Variants in PCM1 observed in about 807,000 individuals in gnomAD.
PCM1 encodes pericentriolar material 1, also known as pericentriolar material 1 protein.
Under a neutral mutation model 241.9 loss-of-function variants are expected in PCM1, and 157 were observed. That is an observed-to-expected ratio of 0.65 (90% CI 0.57 to 0.74). PCM1 has a LOEUF of 0.74. Among genes scored for constraint, PCM1 ranks in the 30% least tolerant of loss-of-function variants. The probability of loss-of-function intolerance (pLI) is 0.00; values close to 1 mark genes in which losing one functional copy is unlikely to be tolerated. For missense variants in PCM1, 3,478 were observed against 2,360.1 expected, an observed-to-expected ratio of 1.47 and a Z score of -9.81; for synonymous variants, 1,085 against 784.9, an observed-to-expected ratio of 1.38 and a Z score of -6.39.
chr8:18,027,116 T>C (rs2094289487), intron 38 of PCM1, among the ~76,000 whole-genome samples: 3 of 152,190 alleles, frequency 2.0e-5, no homozygotes, highest in Admixed American at 2.0e-4. Context: ...TCTCATTGTT[T>C]TTGTTTTTCC....
In PCM1 at chr8:17,957,760, T is replaced by C. The variant is rs1430891770; in HGVS notation, c.2025T>C (p.Leu675=). The C allele has an allele frequency of 6.2e-7, 1 of 1,611,388 alleles. No homozygotes were observed. The highest frequency in any genetic ancestry group is 1.1e-5 in the South Asian group (1 of 91,004). Residue 675 remains leucine, a synonymous_variant, in exon 13 of 39, where the codon CTT becomes CTC. Transcript: ENST00000325083. The part of the protein sequence containing the change: ...AKQKLRQLQD[L]VAMVQDDDAA... ...AGAAACTTAGACAGTTACAAGATCT[T>C]GTTGCTATGGTACAGGTAAATATTG...
intron 36 of PCM1, among the ~76,000 whole-genome samples, chr8:18,016,798 C>T (rs149903824): frequency 1.7e-4 from 26 of 152,284 alleles, no homozygotes; most frequent in Admixed American, 2.6e-4. Flanking sequence ...TCACTCTGGA[C>T]GATGTGACAG....
intron 18 of PCM1, among the ~76,000 whole-genome samples, chr8:17,964,982 G>C (rs2129469294): frequency 1.3e-5 from 2 of 152,186 alleles, no homozygotes; most frequent in East Asian, 3.9e-4. Context: ...TCAACTGCTT[G>C]GTCCCCACGT....
intron 22 of PCM1, among the ~76,000 whole-genome samples, chr8:17,971,067 A>T (rs1379348985): frequency 6.6e-6 from 1 of 152,232 alleles, no homozygotes; most frequent in African/African-American, 2.4e-5. Flanking sequence ...TGTAAACATG[A>T]GTATGGCTGT....
At chr8:17,927,848 C>G (rs1271098532) in intron 2 of PCM1, 1 of 139,560 alleles carries the variant, frequency 7.2e-6, no homozygotes, top group African/African-American at 2.8e-5. Context: ...CGCGCCCAGC[C>G]TAACAGGATT....
chr8:18,005,072 T>A (rs2090872230), intron 29 of PCM1, among the ~76,000 whole-genome samples: 1 of 152,310 alleles, frequency 6.6e-6, no homozygotes, highest in East Asian at 1.9e-4. Flanking sequence ...ACTTTCACTC[T>A]TTTCTGCCTG....
At chr8:18,006,726 T>C (rs142410371) in intron 30 of PCM1, among the ~76,000 whole-genome samples, 104 of 152,342 alleles carry the variant, frequency 6.8e-4, no homozygotes, top group African/African-American at 2.3e-3. Flanking sequence ...TCTAAAATAA[T>C]TGGCTAAAGT....
intron 9 of PCM1, among the ~76,000 whole-genome samples, chr8:17,954,719 A>G (rs145608399): frequency 5.9e-5 from 9 of 152,314 alleles, no homozygotes; most frequent in Non-Finnish European, 1.3e-4. Context: ...CACCTTTGAA[A>G]TGGTAGGAGG....
intron 13 of PCM1, among the ~76,000 whole-genome samples, chr8:17,959,440 T>C (rs1432703204): frequency 6.6e-6 from 1 of 152,122 alleles, no homozygotes; most frequent in Non-Finnish European, 1.5e-5. Flanking sequence ...TTTCAATCTT[T>C]CGCTATTTAG....
chr8:17,942,571 C>T (rs2062454679), intron 6 of PCM1, among the ~76,000 whole-genome samples: 1 of 151,924 alleles, frequency 6.6e-6, no homozygotes, highest in Non-Finnish European at 1.5e-5. Context: ...GAAAAATTAT[C>T]CAGTTGACTT....
chr8:17,957,656 C>T lies in PCM1; in HGVS notation c.1921C>T (p.His641Tyr), dbSNP rs369716761. 3 of 1,602,268 alleles carry T rather than the reference C, an allele frequency of 1.9e-6. No homozygotes were observed. The highest frequency in any genetic ancestry group is 2.6e-6 in the Non-Finnish European group (3 of 1,173,476). The change falls in exon 13 of 39, where the codon CAC becomes TAC. Residue 641 changes from histidine (H) to tyrosine (Y), a missense_variant. Coordinates refer to ENST00000325083, the MANE Select transcript of PCM1 (RefSeq NM_006197.4). The part of the protein sequence containing the change: ...EGVSGASLSS[H>Y]RSSLVDEHPE... ...AGTCAGTGGAGCTTCATTATCTAGT[C>T]ACAGGAGCAGTCTGGTTGATGAGCA...
At chr8:17,973,903 T>G (rs549822326) in intron 23 of PCM1, among the ~76,000 whole-genome samples, 2 of 152,280 alleles carry the variant, frequency 1.3e-5, no homozygotes, top group South Asian at 4.1e-4. Context: ...ACCTTCATCT[T>G]AATCACTTTT....
intron 30 of PCM1, among the ~76,000 whole-genome samples, chr8:18,008,571 T>C (rs1429404238): frequency 2.6e-5 from 4 of 152,102 alleles, no homozygotes; most frequent in Admixed American, 6.5e-5. Flanking sequence ...GGTTGGGGAC[T>C]GCTAATTTAT....
chr8:17,980,775 G>C lies in PCM1; in HGVS notation c.4108+20G>C. 6.4e-7 allele frequency: 1 copy of C among 1,571,906 alleles called. No homozygotes were observed. Among genetic ancestry groups the C allele is most frequent in the Non-Finnish European group, 8.6e-7 (1 of 1,157,396 alleles). On this transcript the variant is annotated intron_variant, in intron 24 of 38. Coordinates refer to ENST00000325083, the MANE Select transcript of PCM1 (RefSeq NM_006197.4). ...CTTCAGGTATGTTCTTTTTTGGTTT[G>C]CATTAATATAAGGAGGTTTTCAGCT...
chr8:17,976,268 CACACTTGAAAAGAGTG>C (rs1488538431), intron 23 of PCM1, among the ~76,000 whole-genome samples: 3 of 152,214 alleles, frequency 2.0e-5, no homozygotes, highest in Non-Finnish European at 4.4e-5. Flanking sequence ...CCCCTTGTCT[CACACTTGAAAAGAGTG>C]ACACCGAAAT....
intron 29 of PCM1, among the ~76,000 whole-genome samples, chr8:18,004,801 A>G (rs535393963): frequency 2.6e-5 from 4 of 152,176 alleles, no homozygotes; most frequent in Non-Finnish European, 5.9e-5. Context: ...TTCTAGTAGC[A>G]TGACCTTAAT....
At chr8:18,012,434 C>T (rs9785162) in intron 34 of PCM1, among the ~76,000 whole-genome samples, 7,962 of 152,248 alleles carry the variant, frequency 0.052, 221 homozygotes, top group East Asian at 0.068. Flanking sequence ...TCTCACTGTG[C>T]TCCATTTATA....
intron 10 of PCM1, among the ~76,000 whole-genome samples, 156 bp from the exon 11 acceptor site, chr8:17,956,448 C>T (rs755499949): frequency 6.6e-6 from 1 of 152,150 alleles, no homozygotes; most frequent in Admixed American, 6.5e-5. Flanking sequence ...GCATTAACCT[C>T]ATTATTTTAC....
chr8:17,948,618 T>G (rs1586455894), intron 7 of PCM1, among the ~76,000 whole-genome samples: 1 of 152,154 alleles, frequency 6.6e-6, no homozygotes, highest in African/African-American at 2.4e-5. Flanking sequence ...CTTACTCTTT[T>G]GTAGTAATGA....
Sources: allele counts gnomAD v4.1 joint callset (sites outside exome capture counted in the v4.1 genomes callset), GRCh38; gene constraint gnomAD v4.1.1; transcripts MANE v1.5; gene names NCBI Gene and HGNC (gene_info 2026-07-23, HGNC 2026-07-21).